Variants in ARHGAP22 observed in about 807,000 individuals in gnomAD.
ARHGAP22 encodes the protein Rho GTPase activating protein 22.
Under a neutral mutation model 59.1 loss-of-function variants are expected in ARHGAP22, and 48 were observed. That is an observed-to-expected ratio of 0.81 (90% CI 0.64 to 1.03). The LOEUF (loss-of-function observed/expected upper bound fraction) is 1.03. Ranked by LOEUF, ARHGAP22 falls within the 50% of genes least tolerant of loss-of-function variation. The pLI, the probability that ARHGAP22 is intolerant of heterozygous loss-of-function variation, is 0.00. For missense variants in ARHGAP22, 1,015 were observed against 958.7 expected, an observed-to-expected ratio of 1.06 and a Z score of -0.78; for synonymous variants, 445 against 416.4, an observed-to-expected ratio of 1.07 and a Z score of -0.84.
At chr10:48,633,113 C>T (rs374032930) in intron 1 of ARHGAP22, among the ~76,000 whole-genome samples, 1 of 152,214 alleles carries the variant, frequency 6.6e-6, no homozygotes, top group East Asian at 1.9e-4. Context: ...ATGTTGCCTG[C>T]TGTATTCCAG....
exon 1 of ARHGAP22, chr10:48,652,530 T>A: frequency 7.2e-6 from 4 of 558,506 alleles, no homozygotes; most frequent in Non-Finnish European, 1.3e-5. Flanking sequence ...CTTGAGAAAG[T>A]CACGGGGTCT....
intron 3 of ARHGAP22, chr10:48,510,860 A>G (rs2134537941): frequency 6.6e-6 from 1 of 152,346 alleles, no homozygotes; most frequent in Middle Eastern, 3.4e-3. Flanking sequence ...ACTAAAAAAA[A>G]TCATCTGGAA....
intron 2 of ARHGAP22, among the ~76,000 whole-genome samples, chr10:48,556,906 C>G (rs906837820): frequency 1.3e-5 from 2 of 152,148 alleles, no homozygotes; most frequent in East Asian, 3.9e-4. Context: ...GTACACACCC[C>G]CAATATTTTC....
At chr10:48,577,801 G>GTTTTATTTTTTTT (rs2058827422) in intron 2 of ARHGAP22, among the ~76,000 whole-genome samples, 1 of 59,142 alleles carries the variant, frequency 1.7e-5, no homozygotes, top group Non-Finnish European at 2.9e-5. Flanking sequence ...CTCTTTTTTG[G>GTTTTATTTTTTTT]TTTTTTTTTT....
intron 1 of ARHGAP22, among the ~76,000 whole-genome samples, chr10:48,601,929 C>T (rs973017166): frequency 5.3e-5 from 8 of 152,168 alleles, no homozygotes; most frequent in African/African-American, 1.4e-4. Context: ...TGGAGATGTA[C>T]AGGGCCAGGT....
chr10:48,604,752 G>C lies in ARHGAP22; in HGVS notation c.34+11C>G. The C allele has an allele frequency of 1.2e-6, 2 of 1,614,248 alleles. No homozygotes were observed. Among genetic ancestry groups the C allele is most frequent in the Non-Finnish European group, 1.7e-6 (2 of 1,180,048 alleles). On this transcript the variant is annotated intron_variant, in intron 1 of 9. Transcript: ENST00000249601. ...GCGGTGCCCAGAGAAACCCCAGAAAGTTGGACTTACCCCTCCTGGCCTGCC... is the reference window on the plus strand; with the variant it reads ...GCGGTGCCCAGAGAAACCCCAGAAACTTGGACTTACCCCTCCTGGCCTGCC...
upstream of ARHGAP22, among the ~76,000 whole-genome samples, chr10:48,654,813 TC>T (rs1565068726): frequency 2.1e-5 from 2 of 95,038 alleles, no homozygotes; most frequent in African/African-American, 6.4e-5. Flanking sequence ...TTTCTTTCTT[TC>T]TTTCTTTCTT....
chr10:48,434,170 G>A, the ARHGAP22 span, among the ~76,000 whole-genome samples: 7 of 152,146 alleles, frequency 4.6e-5, no homozygotes, highest in Non-Finnish European at 8.8e-5. Context: ...AAAGGAAACT[G>A]TTTGCTCTTA....
chr10:48,498,039 T>C (rs2051123224), intron 3 of ARHGAP22, among the ~76,000 whole-genome samples: 1 of 152,174 alleles, frequency 6.6e-6, no homozygotes, highest in Non-Finnish European at 1.5e-5. Context: ...GCTGTGTGTG[T>C]ACTCCAGAGA....
chr10:48,499,873 G>A (rs933568760), intron 3 of ARHGAP22, among the ~76,000 whole-genome samples: 4 of 152,220 alleles, frequency 2.6e-5, no homozygotes, highest in Admixed American at 1.3e-4. Context: ...GATGCCAGCA[G>A]CATAATAGAG....
intron 9 of ARHGAP22, among the ~76,000 whole-genome samples, chr10:48,448,118 T>C (rs1024427106): frequency 6.6e-5 from 10 of 152,166 alleles, no homozygotes; most frequent in Admixed American, 1.3e-4. Flanking sequence ...TTCATTCTCA[T>C]CTCACTCCAC....
At chr10:48,524,126 C>T in intron 3 of ARHGAP22, 1 of 1,315,622 alleles carries the variant, frequency 7.6e-7, no homozygotes, top group Non-Finnish European at 9.7e-7. Flanking sequence ...GCGGCCCCGC[C>T]GCTCGGCTCC....
intron 3 of ARHGAP22, among the ~76,000 whole-genome samples, chr10:48,487,328 T>G (rs2049958251): frequency 6.6e-6 from 1 of 152,158 alleles, no homozygotes; most frequent in Non-Finnish European, 1.5e-5. Context: ...AACCTGTGAT[T>G]AGGTTAGGTT....
chr10:48,605,462 A>G (rs2060636090), upstream of ARHGAP22, among the ~76,000 whole-genome samples: 1 of 151,894 alleles, frequency 6.6e-6, no homozygotes, highest in Admixed American at 6.6e-5. Context: ...GACTCCCAAC[A>G]GGAAGATGCC....
chr10:48,629,532 TG>T, intron 1 of ARHGAP22, among the ~76,000 whole-genome samples: 1 of 152,354 alleles, frequency 6.6e-6, no homozygotes, highest in South Asian at 2.1e-4. Context: ...TACATTTGTG[TG>T]GGTCTATTTC....
intron 3 of ARHGAP22, among the ~76,000 whole-genome samples, chr10:48,489,838 A>G (rs2050204029): frequency 6.8e-6 from 1 of 147,894 alleles, no homozygotes; most frequent in African/African-American, 2.5e-5. Flanking sequence ...GGTTCACGCC[A>G]TTCTCCTACC....
At chr10:48,450,095 A>G (rs928447407) in intron 9 of ARHGAP22, among the ~76,000 whole-genome samples, 166 bp downstream of exon 9, 1 of 152,252 alleles carries the variant, frequency 6.6e-6, no homozygotes, top group African/African-American at 2.4e-5. Context: ...ACTGTGTGCC[A>G]AGTCTGCCAG....
At chr10:48,553,188 G>A (rs1373038080) in intron 3 of ARHGAP22, among the ~76,000 whole-genome samples, 4 of 152,232 alleles carry the variant, frequency 2.6e-5, no homozygotes, top group African/African-American at 7.2e-5. Flanking sequence ...AGATAGCTGC[G>A]CCGCACTCTG....
chr10:48,542,237 G>C (rs2056025333), intron 3 of ARHGAP22, among the ~76,000 whole-genome samples: 1 of 144,478 alleles, frequency 6.9e-6, no homozygotes, highest in Admixed American at 6.8e-5. Flanking sequence ...GAGCCCAGCA[G>C]GTCAGAACAG....
Sources: allele counts gnomAD v4.1 joint callset (sites outside exome capture counted in the v4.1 genomes callset), GRCh38; gene constraint gnomAD v4.1.1; transcripts MANE v1.5; gene names NCBI Gene and HGNC (gene_info 2026-07-23, HGNC 2026-07-21).